Variants in TAS1R3 observed in about 807,000 individuals in gnomAD.
TAS1R3 encodes the protein taste 1 receptor member 3, also known as taste receptor type 1 member 3.
In TAS1R3, 58 loss-of-function variants were observed where a neutral mutation model predicts 46.1. The observed-to-expected ratio is 1.26, with a 90% CI of 1.02 to 1.57. The LOEUF is 1.57. TAS1R3 is among the 40% of genes most tolerant of loss of function. The pLI, the probability that TAS1R3 is intolerant of heterozygous loss-of-function variation, is 0.00. For synonymous variants in TAS1R3, 724 were observed against 544.7 expected (o/e 1.33, Z -4.58); for missense variants, 1,422 against 1,185.8 (o/e 1.20, Z -2.93).
In TAS1R3 at chr1:1,332,593, G is replaced by A; in HGVS notation, c.1062G>A (p.Leu354=). Residue 354 remains leucine, a synonymous_variant, in exon 3 of 6, where the codon CTG becomes CTA. Coordinates refer to ENST00000339381, the MANE Select transcript of TAS1R3 (RefSeq NM_152228.3). ...CCGACCCGGCCTTCTGCTCTGCCCT[G>A]GGCGAGAGGGAGCAGGGTCTGGAGG... ...LATDPAFCSA[L]GEREQGLEED... 6.2e-7 allele frequency: 1 copy of A among 1,611,392 alleles called. No homozygotes were observed. Among genetic ancestry groups the A allele is most frequent in the Non-Finnish European group, 8.5e-7 (1 of 1,179,944 alleles).
chr1:1,331,986 G>A (rs774189283), intron 2 of TAS1R3, 38 bp from the exon 3 acceptor site: 112 of 1,609,614 alleles, frequency 7.0e-5, no homozygotes, highest in Non-Finnish European at 9.3e-6. Context: ...CTGCCCGTGG[G>A]AGCCCCTGTG....
At position 1,334,487 on chromosome 1, in the gene TAS1R3, C is replaced by T. The variant is rs542365388; in HGVS notation, c.*23C>T. 2.9e-5 allele frequency: 43 copies of T among 1,493,990 alleles called. No individual in the cohort carries two copies. The highest frequency in any genetic ancestry group is 3.5e-4 in the Middle Eastern group (2 of 5,662). The allele number at this position is 1,493,990 out of a possible 1,614,324, so 92.5% of individuals were successfully genotyped here. A position where few individuals can be genotyped will look rare whatever the true frequency, so the allele number is the denominator to read the frequency against. On this transcript the variant is annotated 3_prime_UTR_variant, in exon 6 of 6. Transcript: ENST00000339381. ...TGACCCAACCCTGTGATCTCAGCCC[C>T]GGTGAACCCAGACTTAGCTGCGATC...
chr1:1,331,751 C>G lies in TAS1R3; in HGVS notation c.305C>G (p.Thr102Arg). 2 of 1,612,920 alleles carry G rather than the reference C, an allele frequency of 1.2e-6. No homozygotes were observed. Among genetic ancestry groups the G allele is most frequent in the East Asian group, 2.2e-5 (1 of 44,886 alleles). Residue 102 changes from threonine to arginine, a missense_variant, in exon 2 of 6, where the codon ACG becomes AGG. Physicochemically the swap from Thr to Arg is moderately conservative, Grantham distance 71. Transcript: ENST00000339381. ...CGCCTGGGCTACGACCTCTTTGATACGTGCTCGGAGCCTGTGGTGGCCATG... is the reference window on the plus strand; with the variant it reads ...CGCCTGGGCTACGACCTCTTTGATAGGTGCTCGGAGCCTGTGGTGGCCATG... ...GLRLGYDLFD[T>R]CSEPVVAMKP...
rs750644231 is a variant in TAS1R3 at position 1,333,494 on chromosome 1, CCT to C, written c.1601-6_1601-5del. On this transcript the variant is annotated splice_polypyrimidine_tract_variant and intron_variant, in intron 5 of 5. Transcript: ENST00000339381. ...CAAGACGAACACCCAGCGCCCTTCT[CCT>C]CTCTCACAGACGACATCGCCTGCAC... The C allele has an allele frequency of 1.3e-5, 21 of 1,600,136 alleles. No homozygotes were observed. The highest frequency in any genetic ancestry group is 1.8e-5 in the Non-Finnish European group (21 of 1,177,076).
In TAS1R3 at chr1:1,333,884, T is replaced by C; in HGVS notation, c.1979T>C (p.Val660Ala). The change falls in exon 6 of 6, where the codon GTG (valine) becomes GCG (alanine). Residue 660 changes from valine to alanine, a missense_variant. By Grantham distance (64) the Val-to-Ala change is moderately conservative. Transcript: ENST00000339381. The stretch of plus-strand genomic sequence containing the variant: ...TTCCTGCAGGCGGCCGAGATCTTCG[T>C]GGAGTCAGAACTGCCTCTGAGCTGG... ...TLFLQAAEIF[V>A]ESELPLSWAD... 1.9e-6 allele frequency: 3 copies of C among 1,600,508 alleles called. No homozygotes were observed. Among genetic ancestry groups the C allele is most frequent in the African/African-American group, 1.3e-5 (1 of 75,022 alleles).
Position 1,334,454 on chromosome 1 carries a change from A to C in TAS1R3, c.2549A>C (p.Lys850Thr). 1 of 1,565,250 alleles carries C rather than the reference A, an allele frequency of 6.4e-7. No individual in the cohort carries two copies. Among genetic ancestry groups the C allele is most frequent in the South Asian group, 1.2e-5 (1 of 86,340 alleles). Residue 850 changes from lysine (K) to threonine (T), a missense_variant, in exon 6 of 6, where the codon AAA (lysine) becomes ACA (threonine). Physicochemically the swap from Lys to Thr is moderately conservative, Grantham distance 78 (BLOSUM62 -1). Coordinates refer to ENST00000339381, the MANE Select transcript of TAS1R3 (RefSeq NM_152228.3). ...QNDGNTGNQG[K>T]HE ...GACGGGAACACAGGAAATCAGGGGAAACATGAGTGACCCAACCCTGTGATC... is the reference window on the plus strand; with the variant it reads ...GACGGGAACACAGGAAATCAGGGGACACATGAGTGACCCAACCCTGTGATC...
rs756427473 is a variant in TAS1R3 at position 1,332,986 on chromosome 1, C to T, written c.1341C>T (p.Ser447=). Residue 447 remains serine, a synonymous_variant, in exon 4 of 6, where the codon AGC becomes AGT. Coordinates refer to ENST00000339381, the MANE Select transcript of TAS1R3 (RefSeq NM_152228.3). ...VGGLPLRFDS[S]GNVDMEYDLK... ...GGCTGCCGCTGCGGTTCGACAGCAG[C>T]GGAAACGTGGACATGGAGTACGACC... is the stretch of plus-strand genomic sequence containing the variant. 20 of 1,612,694 alleles carry T rather than the reference C, an allele frequency of 1.2e-5. No individual in the cohort carries two copies. The highest frequency in any genetic ancestry group is 1.2e-4 in the African/African-American group (9 of 75,052).
chr1:1,334,674 G>T lies in TAS1R3; in HGVS notation c.*210G>T. The T allele has an allele frequency of 1.7e-6, 1 of 593,186 alleles. No homozygotes were observed. The highest frequency in any genetic ancestry group is 2.9e-6 in the Non-Finnish European group (1 of 345,222). The allele number at this position is 593,186 out of a possible 1,614,324, so 36.7% of individuals were successfully genotyped here. A position where few individuals can be genotyped will look rare whatever the true frequency, so the allele number is the denominator to read the frequency against. ...GGCCCCAGAGCCAAGCTGTGTCCCT[G>T]TCCCTCTGTGCCCAGACCAGGCCTG... On this transcript the variant is annotated 3_prime_UTR_variant, in exon 6 of 6. Coordinates refer to ENST00000339381, the MANE Select transcript of TAS1R3 (RefSeq NM_152228.3).
At position 1,332,814 on chromosome 1, in the gene TAS1R3, C is replaced by T. The variant is rs202024679; in HGVS notation, c.1275+8C>T. The T allele has an allele frequency of 1.2e-5, 19 of 1,600,864 alleles. No individual in the cohort carries two copies. Among genetic ancestry groups the T allele is most frequent in the East Asian group, 1.1e-4 (5 of 44,696 alleles). ...CCCGTGAAGCCCTGGCAGGTGAGCC[C>T]GGGAGATGGGGGTGTGCTGTCCTCT... On this transcript the variant is annotated splice_region_variant and intron_variant, in intron 3 of 5. Transcript: ENST00000339381.
rs1295110719 is a variant in TAS1R3, at chr1:1,334,156, G to T, written c.2251G>T (p.Val751Leu). 1.9e-6 allele frequency: 3 copies of T among 1,585,440 alleles called. No homozygotes were observed. The highest frequency in any genetic ancestry group is 1.7e-6 in the Non-Finnish European group (2 of 1,165,894). ...AFLCFLGTFLVRSQPGCYNRA... is the reference protein window; with the variant it reads ...AFLCFLGTFLLRSQPGCYNRA... Reference sequence around the variant, plus strand: ...TCTCTGCTTCCTGGGCACTTTCCTGGTGCGGAGCCAGCCGGGCTGCTACAA... The same window carrying T: ...TCTCTGCTTCCTGGGCACTTTCCTGTTGCGGAGCCAGCCGGGCTGCTACAA... Residue 751 changes from valine (V) to leucine (L), a missense_variant, in exon 6 of 6, where the codon GTG becomes TTG. By Grantham distance (32) the Val-to-Leu change is conservative (BLOSUM62 1). Transcript: ENST00000339381.
Position 1,333,504 on chromosome 1 carries a change from AGAC to A in TAS1R3, c.1603_1605del (p.Asp535del), listed in dbSNP as rs761003907. On this transcript the variant is annotated splice_acceptor_variant and coding_sequence_variant, in exon 6 of 6. Transcript: ENST00000339381. LOFTEE classifies it high-confidence loss of function. ...ACCCAGCGCCCTTCTCCTCTCTCAC[AGAC>A]GACATCGCCTGCACCTTTTGTGGCC... The A allele has an allele frequency of 3.7e-6, 6 of 1,600,750 alleles. No homozygotes were observed. Among genetic ancestry groups the A allele is most frequent in the South Asian group, 1.1e-5 (1 of 91,004 alleles).
rs149755069 is a variant in TAS1R3, at chr1:1,333,307, C to T, written c.1528C>T (p.Arg510Trp). 7.7e-5 allele frequency: 124 copies of T among 1,600,174 alleles called. No homozygotes were observed. In the African/African-American group the frequency reaches 8.4e-4, roughly 11 times the overall value. Residue 510 changes from arginine to tryptophan, a missense_variant, in exon 5 of 6, where the codon CGG becomes TGG. By Grantham distance (101) the Arg-to-Trp change is moderately radical (BLOSUM62 -3). Coordinates refer to ENST00000339381, the MANE Select transcript of TAS1R3 (RefSeq NM_152228.3). ...GCAGTGCCAGGAGGGCCAGGTGCGCCGGGTCAAGGGGTTCCACTCCTGCTG... is the reference window on the plus strand; with the variant it reads ...GCAGTGCCAGGAGGGCCAGGTGCGCTGGGTCAAGGGGTTCCACTCCTGCTG... ...SRQCQEGQVR[R>W]VKGFHSCCYD... is the part of the protein sequence containing the mutation.
In TAS1R3 at chr1:1,333,402, G is replaced by T. The variant is rs760370505; in HGVS notation, c.1600+23G>T. 5.6e-6 allele frequency: 9 copies of T among 1,611,202 alleles called. No homozygotes were observed. In the Admixed American group the frequency reaches 1.0e-4, roughly 18 times the overall value. On this transcript the variant is annotated intron_variant, in intron 5 of 5. Transcript: ENST00000339381. ...CAGGTGAGCCGCCTTCCCGGCAGGC[G>T]GGGGTGGGAACGCAGCAGGGGAGGG...
chr1:1,334,509 G>T lies in TAS1R3; in HGVS notation c.*45G>T. 1.4e-6 allele frequency: 2 copies of T among 1,454,902 alleles called. No homozygotes were observed. Among genetic ancestry groups the T allele is most frequent in the Non-Finnish European group, 1.8e-6 (2 of 1,103,128 alleles). 90.1% of individuals were successfully genotyped at this position (1,454,902 alleles called of 1,614,324 possible). A position where few individuals can be genotyped will look rare whatever the true frequency, so the allele number is the denominator to read the frequency against. On this transcript the variant is annotated 3_prime_UTR_variant, in exon 6 of 6. Transcript: ENST00000339381. ...CCCCGGTGAACCCAGACTTAGCTGC[G>T]ATCCCCCCCAAGCCAGCAATGACCC...
Position 1,335,156 on chromosome 1 carries a change from A to AG in TAS1R3, c.*695dup, listed in dbSNP as rs1643529406. The stretch of plus-strand genomic sequence containing the variant: ...CGCCAGCACGCCGCCAGGCCCACAC[A>AG]GGGTCTCCGGTCAGAGTCCCAGGGT... On this transcript the variant is annotated 3_prime_UTR_variant, in exon 6 of 6. Coordinates refer to ENST00000339381, the MANE Select transcript of TAS1R3 (RefSeq NM_152228.3). 1 of 152,362 alleles carries AG rather than the reference A, an allele frequency of 6.6e-6. No individual in the cohort carries two copies. The highest frequency in any genetic ancestry group is 6.5e-5 in the Admixed American group (1 of 15,274). 9.4% of individuals were successfully genotyped at this position (152,362 alleles called of 1,614,324 possible). A position where few individuals can be genotyped will look rare whatever the true frequency, so the allele number is the denominator to read the frequency against.
rs1643464685 is a variant in TAS1R3, at chr1:1,332,956, G to A, written c.1311G>A (p.Val437=). Residue 437 remains valine, a synonymous_variant, in exon 4 of 6, where the codon GTG becomes GTA. Coordinates refer to ENST00000339381, the MANE Select transcript of TAS1R3 (RefSeq NM_152228.3). ...ACATGTACAACCTGACCTTCCACGT[G>A]GGCGGGCTGCCGCTGCGGTTCGACA... The part of the protein sequence containing the change: ...LENMYNLTFH[V]GGLPLRFDSS... The A allele has an allele frequency of 1.2e-6, 2 of 1,611,862 alleles. No individual in the cohort carries two copies. The highest frequency in any genetic ancestry group is 8.5e-7 in the Non-Finnish European group (1 of 1,179,364).
rs374355734 is a variant in TAS1R3, at chr1:1,332,409, C to T, written c.878C>T (p.Ser293Leu). The change falls in exon 3 of 6, where the codon TCG becomes TTG. Residue 293 changes from serine (S) to leucine (L), a missense_variant. Transcript: ENST00000339381. The part of the protein sequence containing the change: ...LFNYSISSRL[S>L]PKVWVASEAW... ...AACTACAGCATCAGCAGCAGGCTCT[C>T]GCCCAAGGTGTGGGTGGCCAGCGAG... 5.4e-5 allele frequency: 87 copies of T among 1,604,742 alleles called. No individual in the cohort carries two copies. The highest frequency in any genetic ancestry group is 1.4e-4 in the South Asian group (13 of 90,200).
In TAS1R3 at chr1:1,334,016, C is replaced by T. The variant is rs781125711; in HGVS notation, c.2111C>T (p.Pro704Leu). Residue 704 changes from proline (P) to leucine (L), a missense_variant, in exon 6 of 6, where the codon CCG becomes CTG. Transcript: ENST00000339381. Reference sequence around the variant, plus strand: ...TGCACCTGGTACCTGGTGGCCTTCCCGCCGGAGGTGGTGACGGACTGGCAC... The same window carrying T: ...TGCACCTGGTACCTGGTGGCCTTCCTGCCGGAGGTGGTGACGGACTGGCAC... ...ALCTWYLVAF[P>L]PEVVTDWHML... 1.1e-5 allele frequency: 17 copies of T among 1,601,040 alleles called. No homozygotes were observed. The highest frequency in any genetic ancestry group is 1.3e-5 in the African/African-American group (1 of 74,888).
Position 1,333,610 on chromosome 1 carries a change from G to GTGCTGCTGC in TAS1R3, c.1710_1718dup (p.Leu574_Leu576dup). On this transcript the variant is annotated inframe_insertion, in exon 6 of 6. Coordinates refer to ENST00000339381, the MANE Select transcript of TAS1R3 (RefSeq NM_152228.3). ...GTTCCTGGCATGGGGCGAGCCGGCT[G>GTGCTGCTGC]TGCTGCTGCTGCTCCTGCTGCTGAG... is the stretch of plus-strand genomic sequence containing the variant. The GTGCTGCTGC allele has an allele frequency of 6.2e-7, 1 of 1,610,494 alleles. No homozygotes were observed. The highest frequency in any genetic ancestry group is 2.2e-5 in the East Asian group (1 of 44,884).
Sources: allele counts gnomAD v4.1 joint callset, GRCh38; gene constraint gnomAD v4.1.1; transcripts MANE v1.5; gene names NCBI Gene and HGNC (gene_info 2026-07-23, HGNC 2026-07-21).